The following CELF2 variants were observed in gnomAD, a reference collection of about 807,000 sequenced individuals.
The protein encoded by CELF2 is CUG triplet repeat RNA-binding protein 2.
CELF2 carries 8 observed loss-of-function variants against 62.6 expected under a neutral mutation model. That is an observed-to-expected ratio of 0.13 (90% CI 0.07 to 0.23). The LOEUF (loss-of-function observed/expected upper bound fraction) is 0.23. Among genes scored for constraint, CELF2 ranks in the 10% least tolerant of loss-of-function variants. CELF2 has a pLI of 1.00. For missense variants in CELF2, 333 were observed against 671.0 expected (o/e 0.50, Z 5.56); for synonymous variants, 258 against 250.0 (o/e 1.03, Z -0.30).
intron 2 of CELF2, among the ~76,000 whole-genome samples, chr10:10,978,036 T>G (rs952358695): frequency 2.7e-5 from 4 of 147,420 alleles, no homozygotes; most frequent in African/African-American, 1.1e-4. Context: ...TTTTTTTTGT[T>G]TTTTGTTTTT....
In CELF2 at chr10:11,243,964, C is replaced by T. The variant is rs2074812534; in HGVS notation, c.355-5189C>T. Among the ~76,000 whole-genome samples the T allele has an allele frequency of 6.6e-6, 1 of 152,210 alleles. No individual in the cohort carries two copies. The highest frequency in any genetic ancestry group is 6.5e-5 in the Admixed American group (1 of 15,288). ...AGCCTCAGCCCTGACCCTAGCCACA[C>T]AGTAGGTAGATTGAATTAGCGACCA... On this transcript the variant is annotated intron_variant, in intron 3 of 12. Coordinates refer to ENST00000633077, the MANE Select transcript of CELF2 (RefSeq NM_001326342.2). This position sits in a 1 kb window ranked among gnomAD's most constrained non-coding sequence, Gnocchi z 4.1.
the CELF2 span, among the ~76,000 whole-genome samples, chr10:10,539,308 C>A: frequency 6.6e-6 from 1 of 151,976 alleles, no homozygotes; most frequent in South Asian, 2.1e-4. Flanking sequence ...ACAATGTTTG[C>A]CTGTCACCAT....
intron 1 of CELF2, among the ~76,000 whole-genome samples, chr10:10,801,509 C>CT (rs1422875766): frequency 3.3e-5 from 5 of 152,152 alleles, no homozygotes; most frequent in African/African-American, 4.8e-5. Flanking sequence ...GGTGTGTACT[C>CT]TAACGCCACA....
the CELF2 span, among the ~76,000 whole-genome samples, chr10:10,749,956 C>A: frequency 2.0e-5 from 3 of 152,138 alleles, no homozygotes; most frequent in East Asian, 1.9e-4. Flanking sequence ...AGGACACCTA[C>A]CCTCAATTCA....
the CELF2 span, among the ~76,000 whole-genome samples, chr10:10,725,985 A>G: frequency 2.0e-5 from 3 of 152,144 alleles, no homozygotes; most frequent in African/African-American, 7.2e-5. Flanking sequence ...TAATTTATGC[A>G]AAACTAAAAG....
intron 1 of CELF2, among the ~76,000 whole-genome samples, chr10:11,118,690 A>C (rs893769127): frequency 2.6e-5 from 4 of 152,104 alleles, no homozygotes; most frequent in African/African-American, 9.7e-5. Flanking sequence ...ACAGCTTCTT[A>C]TTTGTATGTT....
intron 1 of CELF2, among the ~76,000 whole-genome samples, chr10:11,087,338 T>C (rs2047088584): frequency 6.6e-6 from 1 of 152,182 alleles, no homozygotes; most frequent in South Asian, 2.1e-4. Flanking sequence ...TTTTAAGCAG[T>C]TGACACTAGA....
At chr10:10,800,219 C>G (rs2054525704) in intron 1 of CELF2, among the ~76,000 whole-genome samples, 1 of 152,166 alleles carries the variant, frequency 6.6e-6, no homozygotes, top group South Asian at 2.1e-4. Context: ...TCCACGGATG[C>G]TTTTTGCACA....
intron 1 of CELF2, among the ~76,000 whole-genome samples, chr10:11,158,849 T>G (rs966456748): frequency 3.3e-5 from 5 of 152,142 alleles, no homozygotes; most frequent in African/African-American, 7.2e-5. Flanking sequence ...AGAACACAAA[T>G]GTGTTATTTC....
chr10:10,778,582 T>C, the CELF2 span, among the ~76,000 whole-genome samples: 1 of 152,370 alleles, frequency 6.6e-6, no homozygotes, highest in Middle Eastern at 3.4e-3. Flanking sequence ...CCCTTTTTAT[T>C]ACCCTGAAGA....
chr10:11,288,356 T>C (rs2091854955), intron 8 of CELF2, 62 bp from the exon 9 acceptor site: 2 of 1,589,850 alleles, frequency 1.3e-6, no homozygotes, highest in Non-Finnish European at 1.7e-6. Context: ...AGCCTGCTCT[T>C]GTTTGGAAAC....
At chr10:10,769,017 CAA>C in the CELF2 span, among the ~76,000 whole-genome samples, 1 of 152,174 alleles carries the variant, frequency 6.6e-6, no homozygotes, top group Non-Finnish European at 1.5e-5. Context: ...GTAAAATAAG[CAA>C]AGAGAGTTTT....
At chr10:11,018,740 G>T in intron 1 of CELF2, 1 of 153,180 alleles carries the variant, frequency 6.5e-6, no homozygotes, top group South Asian at 2.0e-4. Flanking sequence ...GCGCGCGTGC[G>T]AGTGTGCACG....
rs1042278117 is a variant in CELF2, at chr10:11,178,663, C to A, written c.271+12981C>A. On this transcript the variant is annotated intron_variant, in intron 2 of 12. Transcript: ENST00000633077. This position sits in a 1 kb window ranked among gnomAD's most constrained non-coding sequence, Gnocchi z 4.3. ...CAGCTTAAGAGGCGAAAAGAAGAGT[C>A]TTCGTCAAATGGCAGAGTTTGATTG... is the stretch of plus-strand genomic sequence containing the variant. 1.3e-5 allele frequency among the ~76,000 whole-genome samples: 2 copies of A among 152,212 alleles called. No homozygotes were observed. The highest frequency in any genetic ancestry group is 2.9e-5 in the Non-Finnish European group (2 of 68,040).
In CELF2 at chr10:11,088,581, G is replaced by C. The variant is rs2047447937; in HGVS notation, c.74+70418G>C. Among the ~76,000 whole-genome samples, 3 of 77,096 alleles carry C rather than the reference G, an allele frequency of 3.9e-5. No homozygotes were observed. The South Asian group carries it at 9.0e-4, about 23-fold the overall frequency. The allele number at this position is 77,096 out of a possible 152,430, so 50.6% of individuals were successfully genotyped here. ...AGCAGAGCCGGATTTCTCAAATGAT[G>C]ATGCTTCTTGGCTGTGTGAATGGAT... On this transcript the variant is annotated intron_variant, in intron 1 of 12. Transcript: ENST00000633077.
the CELF2 span, among the ~76,000 whole-genome samples, chr10:10,752,204 G>T: frequency 6.6e-6 from 1 of 152,174 alleles, no homozygotes; most frequent in Non-Finnish European, 1.5e-5. Flanking sequence ...GATCTGGTCC[G>T]TGGACACTAC....
Position 11,010,400 on chromosome 10 carries a change from T to C in CELF2, c.53+4960T>C, listed in dbSNP as rs1285952507. 5.3e-5 allele frequency among the ~76,000 whole-genome samples: 8 copies of C among 152,130 alleles called. No homozygotes were observed. In the East Asian group the frequency reaches 1.3e-3, roughly 26 times the overall value. On this transcript the variant is annotated intron_variant, in intron 1 of 12. Coordinates refer to the CELF2 transcript ENST00000416382. This position sits in a 1 kb window ranked among gnomAD's most constrained non-coding sequence, Gnocchi z 4.1. ...AACAATCGAATCAGTACTGGCCTTCTCTCTTCCTTTCCAACTGCCCGTTGT... is the reference window on the plus strand; with the variant it reads ...AACAATCGAATCAGTACTGGCCTTCCCTCTTCCTTTCCAACTGCCCGTTGT...
At chr10:10,924,913 T>C (rs1278475433) in intron 2 of CELF2, 5 of 152,190 alleles carry the variant, frequency 3.3e-5, no homozygotes, top group African/African-American at 1.2e-4. Context: ...TATGCCGTTT[T>C]GCGTGTGAAA....
intron 1 of CELF2, among the ~76,000 whole-genome samples, chr10:10,896,739 C>A (rs2062580350): frequency 6.6e-6 from 1 of 152,158 alleles, no homozygotes; most frequent in Admixed American, 6.5e-5. Context: ...GATGACCCTG[C>A]CAGCACTTCG....
Sources: allele counts gnomAD v4.1 joint callset (sites outside exome capture counted in the v4.1 genomes callset), GRCh38; gene constraint gnomAD v4.1.1; non-coding constraint Gnocchi (gnomAD v3.1); transcripts MANE v1.5; gene names NCBI Gene and HGNC (gene_info 2026-07-23, HGNC 2026-07-21).